Variants in TTC28 observed in about 807,000 individuals in gnomAD.
The protein encoded by TTC28 is tetratricopeptide repeat domain 28, also known as tetratricopeptide repeat protein 28.
Under a neutral mutation model 198.0 loss-of-function variants are expected in TTC28, and 61 were observed. The observed-to-expected ratio is 0.31, with a 90% CI of 0.25 to 0.38. The LOEUF is 0.38. TTC28 is among the 10% of genes least tolerant of loss of function. TTC28 has a pLI of 1.00. For synonymous variants in TTC28, 1,171 were observed against 1,297.8 expected, an observed-to-expected ratio of 0.90 and a Z score of 2.10; for missense variants, 2,678 against 3,164.0, an observed-to-expected ratio of 0.85 and a Z score of 3.69.
intron 6 of TTC28, among the ~76,000 whole-genome samples, chr22:28,129,770 G>A (rs1943012444): frequency 6.6e-6 from 1 of 152,210 alleles, no homozygotes; most frequent in African/African-American, 2.4e-5. Context: ...ATTGGCGGGG[G>A]AGATGATGCA....
chr22:28,264,641 G>A (rs1353368054), intron 5 of TTC28, among the ~76,000 whole-genome samples: 3 of 152,112 alleles, frequency 2.0e-5, no homozygotes, highest in East Asian at 1.9e-4. Context: ...ACGCATGCAC[G>A]TGTGGGCGCG....
chr22:28,304,525 T>A (rs552362738), intron 3 of TTC28, among the ~76,000 whole-genome samples: 1 of 152,296 alleles, frequency 6.6e-6, no homozygotes, highest in Non-Finnish European at 1.5e-5. Flanking sequence ...ATTGAAGCAC[T>A]CCAGGAACCA....
At chr22:28,418,122 T>C (rs1207940325) in intron 2 of TTC28, among the ~76,000 whole-genome samples, 3 of 152,184 alleles carry the variant, frequency 2.0e-5, no homozygotes, top group African/African-American at 4.8e-5. Context: ...AATTGGGCCA[T>C]TGGAGTTTCT....
chr22:28,615,947 T>A (rs2050898964), intron 2 of TTC28, among the ~76,000 whole-genome samples: 1 of 152,126 alleles, frequency 6.6e-6, no homozygotes, highest in South Asian at 2.1e-4. Context: ...AGTGTAATTT[T>A]AAAAAATTCA....
chr22:28,202,522 A>G (rs1033335232), intron 5 of TTC28, among the ~76,000 whole-genome samples: 1 of 150,900 alleles, frequency 6.6e-6, no homozygotes, highest in African/African-American at 2.5e-5. Context: ...GGGGAACAAC[A>G]GCGAGACTCT....
chr22:28,386,237 T>C (rs2046585461), intron 2 of TTC28, among the ~76,000 whole-genome samples: 1 of 112,152 alleles, frequency 8.9e-6, no homozygotes, highest in Non-Finnish European at 1.7e-5. Context: ...ATCCCGCCAC[T>C]GCACTCCACC....
chr22:28,188,217 A>T (rs1388376611), intron 5 of TTC28, among the ~76,000 whole-genome samples: 1 of 152,224 alleles, frequency 6.6e-6, no homozygotes, highest in Non-Finnish European at 1.5e-5. Context: ...AAAGGTTTTA[A>T]GGCTATAAGC....
At chr22:28,070,588 C>T (rs946526895) in intron 12 of TTC28, among the ~76,000 whole-genome samples, 1 of 151,892 alleles carries the variant, frequency 6.6e-6, no homozygotes, top group Admixed American at 6.6e-5. Flanking sequence ...TTGAGACCAG[C>T]CTGGGGAACA....
At chr22:28,679,181 A>T (rs2145724802) in intron 1 of TTC28, among the ~76,000 whole-genome samples, 1 of 151,944 alleles carries the variant, frequency 6.6e-6, no homozygotes. Flanking sequence ...CGAAGAGCTC[A>T]CTCCTCACAA....
chr22:28,648,838 G>A (rs944672911), intron 1 of TTC28, among the ~76,000 whole-genome samples: 1 of 152,120 alleles, frequency 6.6e-6, no homozygotes, highest in Non-Finnish European at 1.5e-5. Flanking sequence ...GAGCCTATGA[G>A]GCAGAGGTTG....
intron 6 of TTC28, among the ~76,000 whole-genome samples, chr22:28,154,139 G>T (rs1431603299): frequency 6.6e-6 from 1 of 152,080 alleles, no homozygotes; most frequent in Non-Finnish European, 1.5e-5. Context: ...TAAGATTCAT[G>T]GTTTTCAGTG....
Position 28,388,542 on chromosome 22 carries a change from C to T in TTC28, c.382-81899G>A, listed in dbSNP as rs553792791. On this transcript the variant is annotated intron_variant, in intron 2 of 22. Coordinates refer to ENST00000397906, the MANE Select transcript of TTC28 (RefSeq NM_001145418.2). ...TCCTTGAGCAGTGGTTTGTAGTTCT[C>T]CTTAAAGAGGTCCTTCACATCCCTT... Among the ~76,000 whole-genome samples the T allele has an allele frequency of 8.5e-5, 13 of 152,246 alleles. No individual in the cohort carries two copies. In the East Asian group the frequency reaches 2.3e-3, roughly 27 times the overall value.
At chr22:28,098,116 C>T (rs551152437) in intron 10 of TTC28, among the ~76,000 whole-genome samples, 7 of 152,218 alleles carry the variant, frequency 4.6e-5, no homozygotes, top group Admixed American at 3.9e-4. Flanking sequence ...AGTTAAGGCC[C>T]GGGTGAAAGA....
intron 2 of TTC28, among the ~76,000 whole-genome samples, chr22:28,487,471 CTG>C (rs2048326668): frequency 6.6e-6 from 1 of 151,790 alleles, no homozygotes; most frequent in Non-Finnish European, 1.5e-5. Context: ...GTAATAAAAA[CTG>C]AGATGTTAAT....
intron 2 of TTC28, among the ~76,000 whole-genome samples, chr22:28,467,152 G>C (rs1182854560): frequency 6.6e-6 from 1 of 152,180 alleles, no homozygotes; most frequent in Non-Finnish European, 1.5e-5. Context: ...CAGGCATGGT[G>C]GCTCACATCT....
chr22:28,241,091 G>A (rs900771657), intron 5 of TTC28, among the ~76,000 whole-genome samples: 1 of 152,010 alleles, frequency 6.6e-6, no homozygotes, highest in Non-Finnish European at 1.5e-5. Flanking sequence ...GTAACTTCAC[G>A]ATAGAGAAAC....
intron 5 of TTC28, among the ~76,000 whole-genome samples, chr22:28,254,554 A>C (rs1930752454): frequency 6.6e-6 from 1 of 152,030 alleles, no homozygotes; most frequent in African/African-American, 2.4e-5. Flanking sequence ...TGATAAAATG[A>C]AAGTCAATTA....
intron 2 of TTC28, among the ~76,000 whole-genome samples, chr22:28,327,742 G>T (rs2045554380): frequency 2.0e-5 from 3 of 152,138 alleles, no homozygotes; most frequent in Admixed American, 2.0e-4. Context: ...ATGTGTAGGG[G>T]CCTACTGTTC....
intron 2 of TTC28, among the ~76,000 whole-genome samples, chr22:28,310,212 CAA>C (rs2045232294): frequency 6.6e-6 from 1 of 151,196 alleles, no homozygotes. Context: ...TGCTCACAGT[CAA>C]GAGGGAAAAA....
Sources: gnomAD v4.1 joint callset for allele counts (sites outside exome capture counted in the v4.1 genomes callset) on GRCh38, gnomAD v4.1.1 for gene constraint, MANE v1.5 for transcripts, NCBI Gene and HGNC (gene_info 2026-07-23, HGNC 2026-07-21) for gene names.